The following MACROD2 variants were observed in gnomAD, a reference collection of about 807,000 sequenced individuals.
MACROD2 encodes ADP-ribose glycohydrolase MACROD2.
A neutral mutation model predicts 70.4 loss-of-function variants in MACROD2; 36 were observed. That is an observed-to-expected ratio of 0.51 (90% CI 0.39 to 0.68). MACROD2 has a LOEUF of 0.68. MACROD2 is among the 30% of genes least tolerant of loss of function. MACROD2 has a pLI of 0.00. For synonymous variants in MACROD2, 172 were observed against 178.8 expected, an observed-to-expected ratio of 0.96 and a Z score of 0.30; for missense variants, 496 against 538.4, an observed-to-expected ratio of 0.92 and a Z score of 0.78.
intron 5 of MACROD2, among the ~76,000 whole-genome samples, chr20:14,780,094 C>A (rs1015205347): frequency 6.6e-6 from 1 of 152,140 alleles, no homozygotes; most frequent in South Asian, 2.1e-4. Flanking sequence ...GGAGTGATGG[C>A]GAGTGCCTAT....
In MACROD2 at chr20:15,555,842, A is replaced by AG. The variant is rs1212202167; in HGVS notation, c.645+55995_645+55996insG. The stretch of plus-strand genomic sequence containing the variant: ...AGACTCCATCTCAAAAAAAAAAAAA[A>AG]AAAAAAAAAAAAGGAAAAGAAAAGA... On this transcript the variant is annotated intron_variant, in intron 8 of 17. Transcript: ENST00000684519. Among the ~76,000 whole-genome samples the AG allele has an allele frequency of 2.2e-3, 322 of 147,278 alleles. 14 individuals are homozygous for AG. The East Asian group carries it at 0.042, about 19-fold the overall frequency.
intron 5 of MACROD2, among the ~76,000 whole-genome samples, chr20:15,003,579 A>G (rs1381224196): frequency 1.3e-5 from 2 of 152,192 alleles, no homozygotes; most frequent in Non-Finnish European, 2.9e-5. Context: ...ATTATATCCA[A>G]CAGTAAGCTG....
intron 16 of MACROD2, 137 bp downstream of exon 16, chr20:16,041,415 T>G (rs905792601): frequency 8.9e-6 from 6 of 674,832 alleles, no homozygotes; most frequent in Admixed American, 7.1e-5. Context: ...AAAAACAATT[T>G]TGTGCTACAA....
intron 5 of MACROD2, among the ~76,000 whole-genome samples, chr20:14,928,903 T>C (rs913231123): frequency 1.3e-5 from 2 of 152,182 alleles, no homozygotes. Context: ...TTTTAATCAC[T>C]AGCGTTCCTT....
rs116240223 is a variant in MACROD2, at chr20:15,877,406, T to C, written c.728-8358T>C. The stretch of plus-strand genomic sequence containing the variant: ...TGCTTGATTTATAAAGTAATTAGAT[T>C]TGAGTGCTCATTTTGGCCAAGGATC... On this transcript the variant is annotated intron_variant, in intron 9 of 17. Coordinates refer to ENST00000684519, the MANE Select transcript of MACROD2 (RefSeq NM_001351661.2). Among the ~76,000 whole-genome samples, 1,027 of 152,294 alleles carry C rather than the reference T, an allele frequency of 6.7e-3. 15 individuals are homozygous for C. Among genetic ancestry groups the C allele is most frequent in the African/African-American group, 0.023 (957 of 41,574 alleles).
At chr20:14,662,770 G>T (rs899487301) in intron 4 of MACROD2, among the ~76,000 whole-genome samples, 1 of 151,646 alleles carries the variant, frequency 6.6e-6, no homozygotes, top group Non-Finnish European at 1.5e-5. Context: ...ACATACAAAT[G>T]AAAACCACAA....
intron 5 of MACROD2, among the ~76,000 whole-genome samples, chr20:14,809,625 C>A (rs1286026309): frequency 6.6e-6 from 1 of 151,554 alleles, no homozygotes; most frequent in Non-Finnish European, 1.5e-5. Flanking sequence ...AAAAACTCTT[C>A]AAAAAAATCA....
intron 8 of MACROD2, among the ~76,000 whole-genome samples, chr20:15,586,959 A>G (rs73900005): frequency 0.027 from 4,152 of 152,306 alleles, 192 homozygotes; most frequent in African/African-American, 0.095. Context: ...GAAAGAGACA[A>G]TGTTCTTGAG....
At chr20:14,858,110 A>G (rs984705462) in intron 5 of MACROD2, among the ~76,000 whole-genome samples, 5 of 152,258 alleles carry the variant, frequency 3.3e-5, no homozygotes, top group African/African-American at 1.2e-4. Context: ...CGTGAGCCAC[A>G]GTGCCTGGCC....
At chr20:15,274,788 A>G (rs934469342) in intron 6 of MACROD2, among the ~76,000 whole-genome samples, 19 of 152,238 alleles carry the variant, frequency 1.2e-4, no homozygotes, top group African/African-American at 3.9e-4. Flanking sequence ...GAAATAAAAA[A>G]TTTTAATGGC....
chr20:14,862,267 T>C (rs1240149684), intron 5 of MACROD2, among the ~76,000 whole-genome samples: 1 of 9,928 alleles, frequency 1.0e-4, no homozygotes, highest in African/African-American at 2.7e-4. Context: ...ATAAATATAT[T>C]ACTATGTATA....
At chr20:15,661,819 G>A (rs1242494560) in intron 8 of MACROD2, among the ~76,000 whole-genome samples, 2 of 152,076 alleles carry the variant, frequency 1.3e-5, no homozygotes, top group African/African-American at 2.4e-5. Flanking sequence ...GTGTAATCAC[G>A]TGCATCATAG....
intron 5 of MACROD2, among the ~76,000 whole-genome samples, chr20:14,919,868 C>T (rs1364454873): frequency 6.6e-6 from 1 of 152,192 alleles, no homozygotes; most frequent in East Asian, 1.9e-4. Context: ...CCTGCCGTGG[C>T]CCCATTAGCC....
At chr20:14,733,074 G>A (rs1008062278) in intron 5 of MACROD2, among the ~76,000 whole-genome samples, 1 of 152,062 alleles carries the variant, frequency 6.6e-6, no homozygotes, top group Non-Finnish European at 1.5e-5. Flanking sequence ...TAATTCTTAT[G>A]TCTACTTTCT....
chr20:15,012,456 G>T (rs1290826567), intron 5 of MACROD2, among the ~76,000 whole-genome samples: 1 of 152,092 alleles, frequency 6.6e-6, no homozygotes, highest in African/African-American at 2.4e-5. Context: ...ATAATGTGGG[G>T]GTCCAAGCCT....
intron 3 of MACROD2, among the ~76,000 whole-genome samples, chr20:14,237,252 T>G (rs1320549790): frequency 6.6e-6 from 1 of 152,090 alleles, no homozygotes; most frequent in East Asian, 1.9e-4. Flanking sequence ...CCTGTCGATT[T>G]ATGTGTGTAT....
chr20:15,530,428 G>GT (rs1412969014), intron 8 of MACROD2, among the ~76,000 whole-genome samples: 2 of 151,966 alleles, frequency 1.3e-5, no homozygotes, highest in Admixed American at 6.6e-5. Context: ...TTTCCAAGCT[G>GT]TTTTTTTAAT....
At chr20:15,640,386 G>T (rs1157954437) in intron 8 of MACROD2, among the ~76,000 whole-genome samples, 35 of 152,182 alleles carry the variant, frequency 2.3e-4, no homozygotes, top group Admixed American at 2.3e-3. Context: ...CAGACGCAGA[G>T]TGACAAGAGT....
intron 5 of MACROD2, among the ~76,000 whole-genome samples, chr20:14,979,408 T>A (rs1480708928): frequency 6.6e-6 from 1 of 152,200 alleles, no homozygotes; most frequent in African/African-American, 2.4e-5. Flanking sequence ...TGTGTTGAAA[T>A]GTAAGTTGGC....
Sources: gnomAD v4.1 joint callset for allele counts (sites outside exome capture counted in the v4.1 genomes callset) on GRCh38, gnomAD v4.1.1 for gene constraint, MANE v1.5 for transcripts, NCBI Gene and HGNC (gene_info 2026-07-23, HGNC 2026-07-21) for gene names.